PDCD6: variants seen among roughly 807,000 people sequenced by gnomAD.
PDCD6 encodes programmed cell death protein 6.
Under a neutral mutation model 28.3 loss-of-function variants are expected in PDCD6, and 12 were observed. The observed-to-expected ratio is 0.42, with a 90% CI of 0.27 to 0.69. The LOEUF is 0.69. Ranked by LOEUF, PDCD6 falls within the 30% of genes least tolerant of loss-of-function variation. PDCD6 has a pLI of 0.22. For synonymous variants in PDCD6, 92 were observed against 108.0 expected (o/e 0.85, Z 0.92); for missense variants, 226 against 269.9 (o/e 0.84, Z 1.14).
chr5:284,517 C>T (rs1052620453), intron 2 of PDCD6, among the ~76,000 whole-genome samples: 2 of 150,632 alleles, frequency 1.3e-5, no homozygotes, highest in Admixed American at 1.3e-4. Context: ...GAGACCTGTG[C>T]GGGGGAGAAG....
In PDCD6 at chr5:306,701, A is replaced by G. The variant is rs770749524; in HGVS notation, c.308A>G (p.Asp103Gly). 6.2e-7 allele frequency: 1 copy of G among 1,614,058 alleles called. No individual in the cohort carries two copies. The highest frequency in any genetic ancestry group is 1.7e-5 in the Admixed American group (1 of 60,028). The stretch of plus-strand genomic sequence containing the variant: ...TGGCAGAACGTCTTCCGCACGTACG[A>G]CCGGGACAACTCCGGGATGATCGAT... ...TDWQNVFRTY[D>G]RDNSGMIDKN... Residue 103 changes from aspartate (D) to glycine (G), a missense_variant, in exon 4 of 6, where the codon GAC becomes GGC. Asp to Gly is a moderately conservative substitution (Grantham distance 94). Coordinates refer to ENST00000264933, the MANE Select transcript of PDCD6 (RefSeq NM_013232.4).
chr5:287,413 G>A (rs780700918), intron 2 of PDCD6, among the ~76,000 whole-genome samples: 1 of 152,036 alleles, frequency 6.6e-6, no homozygotes, highest in Non-Finnish European at 1.5e-5. Flanking sequence ...CTCAGTCCTC[G>A]GGATCAATGC....
rs537602014 is a variant in PDCD6 at position 313,618 on chromosome 5, A to G, written c.478-799A>G. 3 of 150,596 alleles carry G rather than the reference A, an allele frequency of 2.0e-5. No individual in the cohort carries two copies. The East Asian group carries it at 5.9e-4, about 30-fold the overall frequency. 9.3% of individuals were successfully genotyped at this position (150,596 alleles called of 1,614,324 possible). ...TGGGATCCCAGGCGAGAGTCACCAC[A>G]CCCTGTCCATGTTCCTGCAGGTCTT... is the stretch of plus-strand genomic sequence containing the variant. On this transcript the variant is annotated intron_variant, in intron 5 of 5. Coordinates refer to ENST00000264933, the MANE Select transcript of PDCD6 (RefSeq NM_013232.4).
At chr5:290,332 A>C in intron 2 of PDCD6, 1 of 1,211,574 alleles carries the variant, frequency 8.3e-7, no homozygotes, top group South Asian at 1.2e-5. Context: ...GGCTTCCTGG[A>C]GTCCCTCACA....
At chr5:280,947 T>G (rs1738526225) in intron 2 of PDCD6, among the ~76,000 whole-genome samples, 1 of 152,154 alleles carries the variant, frequency 6.6e-6, no homozygotes, top group Admixed American at 6.5e-5. Context: ...AGGAGGGGAG[T>G]AACAGTTGGG....
At chr5:313,787 G>A (rs781083871) in intron 5 of PDCD6, 1 of 154,932 alleles carries the variant, frequency 6.5e-6, no homozygotes, top group Non-Finnish European at 1.5e-5. Context: ...CGATCCTCAC[G>A]CCTCGGACCC....
At chr5:277,404 C>G (rs1171198143) in intron 2 of PDCD6, among the ~76,000 whole-genome samples, 1 of 151,168 alleles carries the variant, frequency 6.6e-6, no homozygotes, top group East Asian at 2.0e-4. Flanking sequence ...TGGGTTCATG[C>G]CATTCTCCTG....
chr5:283,035 G>C (rs1356418061), intron 2 of PDCD6, among the ~76,000 whole-genome samples: 1 of 151,516 alleles, frequency 6.6e-6, no homozygotes, highest in South Asian at 2.1e-4. Context: ...ACTTGGGGAG[G>C]AGCTTATGTT....
At chr5:297,325 T>C (rs180764795) in intron 2 of PDCD6, among the ~76,000 whole-genome samples, 7 of 152,394 alleles carry the variant, frequency 4.6e-5, no homozygotes, top group Non-Finnish European at 7.3e-5. Flanking sequence ...CAGAAACTTA[T>C]GCTTCTTCCG....
chr5:273,892 T>G (rs1738009293), intron 2 of PDCD6, among the ~76,000 whole-genome samples: 1 of 151,988 alleles, frequency 6.6e-6, no homozygotes, highest in African/African-American at 2.4e-5. Context: ...CACTAGTGAT[T>G]GTGCTTTCTT....
intron 2 of PDCD6, among the ~76,000 whole-genome samples, chr5:298,846 CCCCCCAGCTGCT>C (rs1343476470): frequency 6.0e-5 from 2 of 33,404 alleles, no homozygotes; most frequent in Non-Finnish European, 5.6e-5. Context: ...CGCAGCTGCT[CCCCCCAGCTGCT>C]CCCCCAGCTG....
intron 2 of PDCD6, chr5:289,891 T>C: frequency 1.3e-6 from 2 of 1,508,448 alleles, no homozygotes; most frequent in Admixed American, 3.3e-5. Flanking sequence ...ATTTAAACTA[T>C]TGGAATTGTT....
At chr5:308,245 A>G (rs577249732) in intron 4 of PDCD6, 2 of 152,386 alleles carry the variant, frequency 1.3e-5, no homozygotes, top group African/African-American at 4.8e-5. Context: ...TGTCCATGCC[A>G]GTGACCATCG....
chr5:276,101 C>T lies in PDCD6; in HGVS notation c.163+3329C>T, dbSNP rs1344914683. ...AAAAGTAAATGAGTGTAGTGGTGCA[C>T]GCCTGTATTCCCAGCTACTTGGGAG... On this transcript the variant is annotated intron_variant, in intron 2 of 5. Transcript: ENST00000264933. 31 of 1,025,468 alleles carry T rather than the reference C, an allele frequency of 3.0e-5. No homozygotes were observed. In the East Asian group the frequency reaches 7.3e-4, roughly 24 times the overall value. 63.5% of individuals were successfully genotyped at this position (1,025,468 alleles called of 1,614,324 possible).
At chr5:286,095 G>GA (rs758740301) in intron 2 of PDCD6, among the ~76,000 whole-genome samples, 1 of 92,438 alleles carries the variant, frequency 1.1e-5, no homozygotes, top group African/African-American at 1.0e-4. Flanking sequence ...TGAGGACCCA[G>GA]GGGGGAGCTG....
chr5:292,863 G>A (rs991086323), intron 2 of PDCD6, among the ~76,000 whole-genome samples: 1 of 152,172 alleles, frequency 6.6e-6, no homozygotes, highest in Middle Eastern at 3.2e-3. Flanking sequence ...TCAGCTGAAC[G>A]CACCTCTTGA....
At position 314,400 on chromosome 5, in the gene PDCD6, G is replaced by A. The variant is rs1472855562; in HGVS notation, c.478-17G>A. 6.3e-7 allele frequency: 1 copy of A among 1,585,172 alleles called. No homozygotes were observed. The highest frequency in any genetic ancestry group is 1.3e-5 in the African/African-American group (1 of 74,346). ...TTCCATTTACTATCGAGATTTAAAT[G>A]CCTGTTTTCTCCCCAGAGGTTGACG... On this transcript the variant is annotated splice_polypyrimidine_tract_variant and intron_variant, in intron 5 of 5. Coordinates refer to ENST00000264933, the MANE Select transcript of PDCD6 (RefSeq NM_013232.4).
chr5:290,980 A>C (rs1248461205), intron 2 of PDCD6, among the ~76,000 whole-genome samples: 2 of 152,248 alleles, frequency 1.3e-5, no homozygotes, highest in African/African-American at 4.8e-5. Flanking sequence ...CAGGATGGGT[A>C]AGGTATAAAG....
chr5:281,324 G>A (rs902876756), intron 2 of PDCD6, among the ~76,000 whole-genome samples: 11 of 152,216 alleles, frequency 7.2e-5, no homozygotes, highest in Admixed American at 1.3e-4. Flanking sequence ...TGGTGCTATC[G>A]CTGTTCAAAT....
Sources: allele counts gnomAD v4.1 joint callset (sites outside exome capture counted in the v4.1 genomes callset), GRCh38; gene constraint gnomAD v4.1.1; transcripts MANE v1.5; gene names NCBI Gene and HGNC (gene_info 2026-07-23, HGNC 2026-07-21).